DST: variants seen among roughly 807,000 people sequenced by gnomAD.
DST encodes bullous pemphigoid antigen.
In DST, 253 loss-of-function variants were observed where a neutral mutation model predicts 875.2. The ratio of observed to expected loss-of-function variants is 0.29; its 90% CI spans 0.26 to 0.32. The LOEUF (loss-of-function observed/expected upper bound fraction) is 0.32, where lower values mean the gene tolerates loss of function less well. Among genes scored for constraint, DST ranks in the 10% least tolerant of loss-of-function variants. DST has a pLI of 1.00. For missense variants in DST, 8,287 were observed against 9,111.6 expected (o/e 0.91, Z 3.68); for synonymous variants, 3,124 against 3,197.1 (o/e 0.98, Z 0.77).
In DST at chr6:56,938,175, C is replaced by T. The variant is rs555296304; in HGVS notation, c.216+15610G>A. ...TTGAGATAGATTCTTGCTCTGTTGCCTATGCTGGAATGCAGTGGCATGATC... is the reference window on the plus strand; with the variant it reads ...TTGAGATAGATTCTTGCTCTGTTGCTTATGCTGGAATGCAGTGGCATGATC... On this transcript the variant is annotated intron_variant, in intron 2 of 103. Coordinates refer to ENST00000680361, the MANE Select transcript of DST (RefSeq NM_001374736.1). 5.3e-5 allele frequency among the ~76,000 whole-genome samples: 8 copies of T among 150,484 alleles called. No individual in the cohort carries two copies. In the South Asian group the frequency reaches 8.4e-4, roughly 16 times the overall value.
intron 9 of DST, among the ~76,000 whole-genome samples, chr6:56,671,701 C>T (rs1465412361): frequency 1.3e-5 from 2 of 152,154 alleles, no homozygotes; most frequent in African/African-American, 2.4e-5. Flanking sequence ...GAGATTAACA[C>T]CACCAACAAC....
rs2097795182 is a variant in DST, at chr6:56,572,653, A to G, written c.13554+94T>C. 5.4e-6 allele frequency: 5 copies of G among 924,756 alleles called. No homozygotes were observed. The South Asian group carries it at 1.1e-4, about 20-fold the overall frequency. The allele number at this position is 924,756 out of a possible 1,614,324, so 57.3% of individuals were successfully genotyped here. On this transcript the variant is annotated intron_variant, in intron 52 of 103. Transcript: ENST00000680361. ...CTTTACTAATCTATAAGCAATTAAAATGATTGCCAATTATAATTCTGGCAC... is the reference window on the plus strand; with the variant it reads ...CTTTACTAATCTATAAGCAATTAAAGTGATTGCCAATTATAATTCTGGCAC...
At chr6:56,549,635 T>G (rs1232053921) in intron 61 of DST, among the ~76,000 whole-genome samples, 1 of 152,214 alleles carries the variant, frequency 6.6e-6, no homozygotes, top group Non-Finnish European at 1.5e-5. Flanking sequence ...ATCATCACCC[T>G]TATCATATCA....
At chr6:56,850,548 C>T (rs1242250865) in intron 4 of DST, among the ~76,000 whole-genome samples, 1 of 152,116 alleles carries the variant, frequency 6.6e-6, no homozygotes, top group Non-Finnish European at 1.5e-5. Context: ...GCAAGAAAGT[C>T]CCCAAGGACA....
Position 56,639,314 on chromosome 6 carries a change from T to A in DST, c.2909A>T (p.Gln970Leu). ...TAGAAGTAGCTGCTCTGCTATCTCC[T>A]GAACTGATTTAATATTTTCTTCCTT... ...DQKEENIKSV[Q>L]EIAEQLLLEN... Residue 970 changes from glutamine (Q) to leucine (L), a missense_variant, in exon 22 of 104, where the codon CAG (glutamine) becomes CTG (leucine). Gln to Leu is a moderately radical substitution (Grantham distance 113). This residue lies in a region of DST where 1,160 missense variants were observed against 1,424.3 expected (regional missense o/e 0.81). Coordinates refer to ENST00000680361, the MANE Select transcript of DST (RefSeq NM_001374736.1). 1.9e-6 allele frequency: 3 copies of A among 1,613,830 alleles called. No homozygotes were observed. The highest frequency in any genetic ancestry group is 2.5e-6 in the Non-Finnish European group (3 of 1,179,852).
intron 78 of DST, among the ~76,000 whole-genome samples, chr6:56,503,253 T>G (rs1209856361): frequency 6.6e-6 from 1 of 152,020 alleles, no homozygotes; most frequent in Non-Finnish European, 1.5e-5. Flanking sequence ...AAAAATAATT[T>G]TTGTACAATT....
rs377070722 is a variant in DST at position 56,609,313 on chromosome 6, T to C, written c.5315A>G (p.Gln1772Arg). Residue 1772 changes from glutamine to arginine, a missense_variant, in exon 40 of 104, where the codon CAG becomes CGG. Transcript: ENST00000680361. ...LDKVIAGTID[Q>R]TTGEVLSVFQ... ...GACTGAAAGGACTTCTCCAGTTGTC[T>C]GATCAATGGTGCCTGCAATCACTTT... 3.1e-6 allele frequency: 5 copies of C among 1,610,176 alleles called. No individual in the cohort carries two copies. The highest frequency in any genetic ancestry group is 1.3e-5 in the African/African-American group (1 of 74,738).
intron 42 of DST, 66 bp from the exon 43 acceptor site, chr6:56,603,097 T>G: frequency 6.5e-7 from 1 of 1,539,280 alleles, no homozygotes. Flanking sequence ...AAATAATGAC[T>G]GTGGTTTAAG....
intron 3 of DST, among the ~76,000 whole-genome samples, chr6:56,875,520 T>C (rs114089025): frequency 0.015 from 2,226 of 152,340 alleles, 48 homozygotes; most frequent in African/African-American, 0.051. Context: ...TGACTAGTCA[T>C]TTAATTAAAG....
chr6:56,492,436 T>C lies in DST; in HGVS notation c.20551-3A>G. 1 of 1,605,050 alleles carries C rather than the reference T, an allele frequency of 6.2e-7. No individual in the cohort carries two copies. The highest frequency in any genetic ancestry group is 8.5e-7 in the Non-Finnish European group (1 of 1,177,918). ...GAATTTACTTCATTGGCAAAAACCT[T>C]TCCCAGAAAAAAAGGAAATAAGTAG... On this transcript the variant is annotated splice_region_variant and splice_polypyrimidine_tract_variant and intron_variant, in intron 84 of 103. Transcript: ENST00000680361.
intron 80 of DST, among the ~76,000 whole-genome samples, chr6:56,498,632 A>G (rs1285912659): frequency 6.6e-6 from 1 of 152,162 alleles, no homozygotes; most frequent in African/African-American, 2.4e-5. Flanking sequence ...AGTAACCAAA[A>G]TATATATTTT....
intron 9 of DST, among the ~76,000 whole-genome samples, chr6:56,696,142 C>G (rs1369554827): frequency 6.6e-6 from 1 of 152,002 alleles, no homozygotes; most frequent in East Asian, 1.9e-4. Flanking sequence ...GAACACTATG[C>G]CACAGTATAT....
At position 56,607,487 on chromosome 6, in the gene DST, C is replaced by T; in HGVS notation, c.7141G>A (p.Ala2381Thr). The change falls in exon 40 of 104, where the codon GCA becomes ACA. Residue 2381 changes from alanine to threonine, a missense_variant. By Grantham distance (58) the Ala-to-Thr change is moderately conservative. Around this residue, in one of 10 missense-constraint regions of DST, gnomAD observed 3,138 missense variants for 3,116.6 expected, o/e 1.01. Transcript: ENST00000680361. ...NQSRVETNERANECSHSKNIQ... is the reference protein window; with the variant it reads ...NQSRVETNERTNECSHSKNIQ... ...TTTTTAGAATGACTACATTCATTTG[C>T]ACGTTCATTTGTTTCCACTCGGCTT... 1 of 1,597,710 alleles carries T rather than the reference C, an allele frequency of 6.3e-7. No homozygotes were observed. The highest frequency in any genetic ancestry group is 8.5e-7 in the Non-Finnish European group (1 of 1,170,820).
At chr6:56,799,906 T>C (rs2099744773) in intron 4 of DST, among the ~76,000 whole-genome samples, 1 of 152,172 alleles carries the variant, frequency 6.6e-6, no homozygotes, top group Non-Finnish European at 1.5e-5. Flanking sequence ...ATTACAGGCA[T>C]GAGCCACCAC....
intron 56 of DST, 126 bp from the exon 57 acceptor site, chr6:56,561,675 T>G: frequency 1.2e-6 from 1 of 853,902 alleles, no homozygotes; most frequent in South Asian, 2.2e-5. Flanking sequence ...GCCTAGTAGA[T>G]AAAGTCATAA....
intron 82 of DST, 127 bp downstream of exon 82, chr6:56,497,252 A>G: frequency 1.9e-6 from 2 of 1,060,526 alleles, no homozygotes; most frequent in Non-Finnish European, 2.7e-6. Flanking sequence ...TAACATGTAT[A>G]CACAGTGATT....
chr6:56,839,887 G>A (rs765480499), intron 4 of DST, among the ~76,000 whole-genome samples: 1 of 152,154 alleles, frequency 6.6e-6, no homozygotes, highest in Non-Finnish European at 1.5e-5. Context: ...CAGGGGGTGA[G>A]GGGGTGGAGT....
At chr6:56,470,549 A>C (rs1375068530) in intron 95 of DST, among the ~76,000 whole-genome samples, 2 of 152,102 alleles carry the variant, frequency 1.3e-5, no homozygotes, top group African/African-American at 4.8e-5. Context: ...ATATGGGTCA[A>C]TTGCTAGTCA....
At chr6:56,932,439 G>A (rs1015928805) in intron 2 of DST, among the ~76,000 whole-genome samples, 12 of 152,110 alleles carry the variant, frequency 7.9e-5, no homozygotes, top group Admixed American at 3.3e-4. Context: ...TTTAAGGGAA[G>A]AGCAATTCCT....
Sources: allele counts gnomAD v4.1 joint callset (sites outside exome capture counted in the v4.1 genomes callset), GRCh38; gene constraint gnomAD v4.1.1; regional missense constraint gnomAD v4.1.1; transcripts MANE v1.5; gene names NCBI Gene and HGNC (gene_info 2026-07-23, HGNC 2026-07-21).